CAMTA1: variants seen among roughly 807,000 people sequenced by gnomAD.
CAMTA1 encodes calmodulin binding transcription activator 1.
In CAMTA1, 27 loss-of-function variants were observed where a neutral mutation model predicts 170.9. The observed-to-expected ratio is 0.16, with a 90% CI of 0.12 to 0.22. The LOEUF is 0.22. CAMTA1 is among the 10% of genes least tolerant of loss of function. CAMTA1 has a pLI of 1.00. For missense variants in CAMTA1, 1,619 were observed against 2,217.2 expected (o/e 0.73, Z 5.42); for synonymous variants, 833 against 891.5 (o/e 0.93, Z 1.17).
chr1:7,313,332 G>A (rs1009399364), intron 5 of CAMTA1, among the ~76,000 whole-genome samples: 2 of 152,262 alleles, frequency 1.3e-5, no homozygotes, highest in Non-Finnish European at 2.9e-5. Flanking sequence ...GAGTCCTGGC[G>A]GTACTCTGCT....
intron 11 of CAMTA1, among the ~76,000 whole-genome samples, chr1:7,725,139 G>A (rs1015622176): frequency 2.6e-5 from 4 of 152,214 alleles, no homozygotes; most frequent in Admixed American, 2.0e-4. Context: ...CAGAATGATT[G>A]AGTTTTTGTC....
rs888828906 is a variant in CAMTA1 at position 7,564,444 on chromosome 1, G to A, written c.511-75956G>A. Among the ~76,000 whole-genome samples the A allele has an allele frequency of 3.2e-4, 48 of 152,222 alleles. 1 individual carries two copies. Among genetic ancestry groups the A allele is most frequent in the Non-Finnish European group, 5.4e-4 (37 of 68,038 alleles). On this transcript the variant is annotated intron_variant, in intron 6 of 22. Coordinates refer to ENST00000303635, the MANE Select transcript of CAMTA1 (RefSeq NM_015215.4). Reference sequence around the variant, plus strand: ...TCACAGGGCAAGTGGCTAAGACCTTGCTTCTTCAGAAGCTCTGTAAGCTCC... The same window carrying A: ...TCACAGGGCAAGTGGCTAAGACCTTACTTCTTCAGAAGCTCTGTAAGCTCC...
At chr1:7,309,171 A>G (rs1169473138) in intron 5 of CAMTA1, among the ~76,000 whole-genome samples, 2 of 151,254 alleles carry the variant, frequency 1.3e-5, no homozygotes, top group African/African-American at 4.9e-5. Flanking sequence ...TTTTACTTTT[A>G]GCCTACTCAT....
intron 6 of CAMTA1, among the ~76,000 whole-genome samples, chr1:7,567,764 G>A (rs1418368720): frequency 6.6e-6 from 1 of 152,144 alleles, no homozygotes; most frequent in African/African-American, 2.4e-5. Flanking sequence ...TCAGTCTATG[G>A]ACTTCAAGTC....
intron 4 of CAMTA1, among the ~76,000 whole-genome samples, chr1:7,245,596 G>A (rs1419672303): frequency 6.6e-6 from 1 of 151,978 alleles, no homozygotes; most frequent in Non-Finnish European, 1.5e-5. Flanking sequence ...AGCGCTATTG[G>A]TTTTGCTCGC....
intron 5 of CAMTA1, among the ~76,000 whole-genome samples, chr1:7,352,381 T>C (rs180918300): frequency 2.1e-4 from 32 of 152,240 alleles, no homozygotes; most frequent in African/African-American, 6.3e-4. Flanking sequence ...GAAAGGGTAA[T>C]TGGGAAGATT....
chr1:7,400,362 A>C (rs1411376702), intron 5 of CAMTA1, among the ~76,000 whole-genome samples: 1 of 152,052 alleles, frequency 6.6e-6, no homozygotes, highest in Admixed American at 6.6e-5. Context: ...TGAATTTCTC[A>C]TTCAGATCAT....
Position 7,680,842 on chromosome 1 carries a change from A to ACGCGCGCGCGCACGCG in CAMTA1, c.2914+3120_2914+3121insACGCGCGCGCGCGCGC, listed in dbSNP as rs2096189287. ...GGCGTGGGTCCGGGGCGCAGAGAAC[A>ACGCGCGCGCGCACGCG]CGCGCGCGCGCGCGCGCGCCAGCAG... On this transcript the variant is annotated intron_variant, in intron 11 of 22. Coordinates refer to ENST00000303635, the MANE Select transcript of CAMTA1 (RefSeq NM_015215.4). This position sits in a 1 kb window ranked among gnomAD's most constrained non-coding sequence, Gnocchi z 4.4. Among the ~76,000 whole-genome samples, 1 of 141,056 alleles carries ACGCGCGCGCGCACGCG rather than the reference A, an allele frequency of 7.1e-6. No individual in the cohort carries two copies. The highest frequency in any genetic ancestry group is 1.6e-5 in the Non-Finnish European group (1 of 63,778). The allele number at this position is 141,056 out of a possible 152,430, so 92.5% of individuals were successfully genotyped here.
intron 3 of CAMTA1, among the ~76,000 whole-genome samples, chr1:6,906,756 T>G (rs1678585545): frequency 6.6e-6 from 1 of 152,208 alleles, no homozygotes; most frequent in Non-Finnish European, 1.5e-5. Flanking sequence ...CATTTTCGAG[T>G]GCAGCAGTCT....
At chr1:7,733,215 A>AG (rs1436343572) in intron 12 of CAMTA1, among the ~76,000 whole-genome samples, 1 of 152,002 alleles carries the variant, frequency 6.6e-6, no homozygotes, top group Non-Finnish European at 1.5e-5. Context: ...AAGAAGAAGA[A>AG]GAAAAAAAAA....
intron 3 of CAMTA1, among the ~76,000 whole-genome samples, chr1:7,047,954 CAAA>C (rs1467333577): frequency 7.1e-4 from 108 of 152,240 alleles, no homozygotes; most frequent in Admixed American, 2.2e-3. Context: ...TATTCATTGA[CAAA>C]GAAGAGATTT....
intron 3 of CAMTA1, among the ~76,000 whole-genome samples, chr1:6,911,558 A>T (rs1422809593): frequency 2.6e-5 from 4 of 152,174 alleles, no homozygotes; most frequent in African/African-American, 9.7e-5. Flanking sequence ...TGTTTGAGCC[A>T]TCTCTGTAAA....
chr1:7,684,927 C>T (rs1361332456), intron 11 of CAMTA1, among the ~76,000 whole-genome samples: 2 of 152,258 alleles, frequency 1.3e-5, no homozygotes, highest in Non-Finnish European at 1.5e-5. Context: ...TTGTTGTGCA[C>T]GGGGTTCTGC....
intron 6 of CAMTA1, among the ~76,000 whole-genome samples, chr1:7,471,499 A>T (rs1410286719): frequency 6.6e-6 from 1 of 152,208 alleles, no homozygotes; most frequent in African/African-American, 2.4e-5. Flanking sequence ...ACCCATCCTC[A>T]GCATTGCTGG....
intron 4 of CAMTA1, among the ~76,000 whole-genome samples, chr1:7,104,255 A>G (rs1643333385): frequency 2.3e-5 from 1 of 43,276 alleles, no homozygotes; most frequent in Non-Finnish European, 4.0e-5. Context: ...CAACACACAT[A>G]CACACAACTA....
At chr1:6,912,143 T>C (rs1354306651) in intron 3 of CAMTA1, among the ~76,000 whole-genome samples, 4 of 152,254 alleles carry the variant, frequency 2.6e-5, no homozygotes, top group Non-Finnish European at 4.4e-5. Context: ...TAAGACAGAC[T>C]TGCTTTACTT....
Position 7,634,482 on chromosome 1 carries a change from A to T in CAMTA1, c.511-5918A>T, listed in dbSNP as rs1262927838. Among the ~76,000 whole-genome samples the T allele has an allele frequency of 6.6e-6, 1 of 151,970 alleles. No individual in the cohort carries two copies. Among genetic ancestry groups the T allele is most frequent in the Non-Finnish European group, 1.5e-5 (1 of 67,990 alleles). ...TGCCGTCAACAGGCAGGTAGGCAAGAGAGGAGAGGTAGGCTGGAGAGGGAA... is the reference window on the plus strand; with the variant it reads ...TGCCGTCAACAGGCAGGTAGGCAAGTGAGGAGAGGTAGGCTGGAGAGGGAA... On this transcript the variant is annotated intron_variant, in intron 6 of 22. Transcript: ENST00000303635. This position sits in a 1 kb window ranked among gnomAD's most constrained non-coding sequence, Gnocchi z 6.2.
intron 7 of CAMTA1, among the ~76,000 whole-genome samples, chr1:7,660,984 G>T (rs968827461): frequency 1.3e-5 from 2 of 152,218 alleles, no homozygotes; most frequent in Non-Finnish European, 1.5e-5. Flanking sequence ...CCCCCATCCT[G>T]CCAGGCAGGT....
Position 7,748,099 on chromosome 1 carries a change from G to A in CAMTA1, c.4689+318G>A, listed in dbSNP as rs191130904. On this transcript the variant is annotated intron_variant, in intron 19 of 22. Transcript: ENST00000303635. This position sits in a 1 kb window ranked among gnomAD's most constrained non-coding sequence, Gnocchi z 4.7. ...AGCTGATTTTTCTAGTTTTAGTAGA[G>A]TCGGGGTTTCACCATGTTGCCAGGC... Among the ~76,000 whole-genome samples the A allele has an allele frequency of 6.6e-6, 1 of 151,932 alleles. No homozygotes were observed. Among genetic ancestry groups the A allele is most frequent in the East Asian group, 1.9e-4 (1 of 5,188 alleles).
Sources: allele counts gnomAD v4.1 joint callset (sites outside exome capture counted in the v4.1 genomes callset), GRCh38; gene constraint gnomAD v4.1.1; non-coding constraint Gnocchi (gnomAD v3.1); transcripts MANE v1.5; gene names NCBI Gene and HGNC (gene_info 2026-07-23, HGNC 2026-07-21).